Variants in DLG2 observed in about 807,000 individuals in gnomAD.
The protein encoded by DLG2 is disks large homolog 2.
In DLG2, 45 loss-of-function variants were observed where a neutral mutation model predicts 132.5. The ratio of observed to expected loss-of-function variants is 0.34; its 90% CI spans 0.27 to 0.44. DLG2 has a LOEUF of 0.44. Ranked by LOEUF, DLG2 falls within the 20% of genes least tolerant of loss-of-function variation. DLG2 has a pLI of 1.00. For synonymous variants in DLG2, 424 were observed against 419.6 expected, an observed-to-expected ratio of 1.01 and a Z score of -0.13; for missense variants, 1,045 against 1,196.9, an observed-to-expected ratio of 0.87 and a Z score of 1.87.
chr11:84,730,970 G>A (rs539288240), intron 6 of DLG2, among the ~76,000 whole-genome samples: 2 of 152,128 alleles, frequency 1.3e-5, no homozygotes, highest in East Asian at 3.9e-4. Flanking sequence ...CAAGCATAAT[G>A]GTTCAAGTCC....
chr11:84,870,151 G>T (rs1283321876), intron 6 of DLG2, among the ~76,000 whole-genome samples: 2 of 152,146 alleles, frequency 1.3e-5, no homozygotes, highest in Admixed American at 6.5e-5. Flanking sequence ...ATGCCATCAA[G>T]GTGGACATAT....
intron 4 of DLG2, among the ~76,000 whole-genome samples, chr11:85,190,875 T>C (rs1189333468): frequency 2.6e-5 from 4 of 152,168 alleles, no homozygotes; most frequent in African/African-American, 9.7e-5. Flanking sequence ...GGTGATGTTG[T>C]GAAGAAAAGG....
intron 6 of DLG2, among the ~76,000 whole-genome samples, chr11:85,034,544 A>G (rs1228798538): frequency 6.6e-6 from 1 of 152,210 alleles, no homozygotes; most frequent in East Asian, 1.9e-4. Flanking sequence ...AAAGTATGCC[A>G]AGGAGAAAGA....
chr11:83,878,231 T>A (rs1167051792), intron 15 of DLG2, among the ~76,000 whole-genome samples: 2 of 152,346 alleles, frequency 1.3e-5, no homozygotes, highest in East Asian at 1.9e-4. Context: ...AGTATTGGGT[T>A]TCTTCATCTA....
chr11:85,211,366 C>T (rs1313551190), intron 4 of DLG2, among the ~76,000 whole-genome samples: 1 of 152,066 alleles, frequency 6.6e-6, no homozygotes, highest in Non-Finnish European at 1.5e-5. Flanking sequence ...GCACAAATAA[C>T]TTCATAAACA....
rs2059199297 is a variant in DLG2 at position 85,012,225 on chromosome 11, T to G, written c.357+99436A>C. 2.7e-5 allele frequency among the ~76,000 whole-genome samples: 2 copies of G among 73,464 alleles called. 1 individual carries two copies. The highest frequency in any genetic ancestry group is 8.3e-4 in the South Asian group (2 of 2,408). 48.2% of individuals were successfully genotyped at this position (73,464 alleles called of 152,430 possible). A position where few individuals can be genotyped will look rare whatever the true frequency, so the allele number is the denominator to read the frequency against. On this transcript the variant is annotated intron_variant, in intron 6 of 27. Transcript: ENST00000376104. ...GTGTGTGACTTGATCAAAAGTTTTATGGATCAGAGTAAGAGATATGGCCGG... is the reference window on the plus strand; with the variant it reads ...GTGTGTGACTTGATCAAAAGTTTTAGGGATCAGAGTAAGAGATATGGCCGG...
intron 10 of DLG2, among the ~76,000 whole-genome samples, chr11:84,091,257 C>T (rs1595038324): frequency 6.6e-6 from 1 of 152,222 alleles, no homozygotes; most frequent in Admixed American, 6.5e-5. Context: ...GCCATGTGCT[C>T]TTCTTGCCTT....
At chr11:83,520,634 G>C (rs2095442606) in intron 21 of DLG2, among the ~76,000 whole-genome samples, 1 of 142,768 alleles carries the variant, frequency 7.0e-6, no homozygotes, top group African/African-American at 2.9e-5. Context: ...TAGATAGGTA[G>C]GTAGGTAGAT....
At chr11:83,690,394 T>G (rs919268532) in intron 18 of DLG2, among the ~76,000 whole-genome samples, 2 of 151,680 alleles carry the variant, frequency 1.3e-5, no homozygotes, top group African/African-American at 2.4e-5. Flanking sequence ...AGTTTTTTAG[T>G]TTTTATTTTT....
At chr11:85,025,343 G>A (rs928186725) in intron 6 of DLG2, among the ~76,000 whole-genome samples, 6 of 152,174 alleles carry the variant, frequency 3.9e-5, no homozygotes, top group Non-Finnish European at 8.8e-5. Flanking sequence ...GACCAGAACT[G>A]TTACCATAAA....
intron 6 of DLG2, among the ~76,000 whole-genome samples, chr11:85,050,023 C>T (rs1209414763): frequency 6.6e-6 from 1 of 151,650 alleles, no homozygotes; most frequent in African/African-American, 2.4e-5. Flanking sequence ...TTCACCTTGG[C>T]TAGATGTCCA....
At chr11:84,895,293 C>A (rs907017405) in intron 6 of DLG2, among the ~76,000 whole-genome samples, 2 of 151,820 alleles carry the variant, frequency 1.3e-5, no homozygotes, top group African/African-American at 4.8e-5. Flanking sequence ...TAAAACAAAG[C>A]AATGGTTAGT....
At chr11:85,598,016 A>T (rs34263139) in intron 3 of DLG2, among the ~76,000 whole-genome samples, 3,616 of 151,626 alleles carry the variant, frequency 0.024, 101 homozygotes, top group African/African-American at 0.063. Flanking sequence ...TATAAAAAAA[A>T]ATATATAAAT....
Position 85,366,601 on chromosome 11 carries a change from C to T in DLG2, c.41-81236G>A, listed in dbSNP as rs537479153. Among the ~76,000 whole-genome samples the T allele has an allele frequency of 1.1e-4, 16 of 152,120 alleles. No individual in the cohort carries two copies. In the South Asian group the frequency reaches 3.3e-3, roughly 32 times the overall value. ...CATTCAGGTTATATTTAATATTTAG[C>T]TATTCTAAATAATACTGAAATTAAC... On this transcript the variant is annotated intron_variant, in intron 3 of 27. Coordinates refer to ENST00000376104, the MANE Select transcript of DLG2 (RefSeq NM_001142699.3).
At chr11:85,020,685 T>C (rs2059976813) in intron 6 of DLG2, 1 of 464,440 alleles carries the variant, frequency 2.2e-6, no homozygotes, top group Non-Finnish European at 4.1e-6. Context: ...GGATTCCCTA[T>C]TTAATAAATG....
At chr11:84,967,437 C>G (rs1341609009) in intron 6 of DLG2, among the ~76,000 whole-genome samples, 1 of 152,044 alleles carries the variant, frequency 6.6e-6, no homozygotes, top group Non-Finnish European at 1.5e-5. Flanking sequence ...TTCTTTGGGG[C>G]AGGGGCTGAC....
At chr11:85,431,922 G>GGA (rs2091212380) in intron 3 of DLG2, among the ~76,000 whole-genome samples, 1 of 152,202 alleles carries the variant, frequency 6.6e-6, no homozygotes. Flanking sequence ...ACTGGCATCA[G>GGA]GTCGGTGCCC....
intron 15 of DLG2, among the ~76,000 whole-genome samples, chr11:83,925,521 T>G (rs1045345895): frequency 6.6e-6 from 1 of 152,120 alleles, no homozygotes; most frequent in Non-Finnish European, 1.5e-5. Context: ...CTGTGAGATA[T>G]TTAAGGGGAG....
chr11:84,888,193 G>A (rs1356261711), intron 6 of DLG2, among the ~76,000 whole-genome samples: 1 of 152,070 alleles, frequency 6.6e-6, no homozygotes, highest in Non-Finnish European at 1.5e-5. Flanking sequence ...CATTGTTTCT[G>A]AATGTGTCTG....
Sources: gnomAD v4.1 joint callset for allele counts (sites outside exome capture counted in the v4.1 genomes callset) on GRCh38, gnomAD v4.1.1 for gene constraint, MANE v1.5 for transcripts, NCBI Gene and HGNC (gene_info 2026-07-23, HGNC 2026-07-21) for gene names.